SCGB3A2: variants seen among roughly 807,000 people sequenced by gnomAD.
SCGB3A2 encodes the protein secretoglobin family 3A member 2, also known as pneumo secretory protein 1.
SCGB3A2 carries 5 observed loss-of-function variants against 7.7 expected under a neutral mutation model. The observed-to-expected ratio is 0.65, with a 90% CI of 0.34 to 1.36. The LOEUF is 1.36. Ranked by LOEUF, SCGB3A2 falls within the 40% of genes most tolerant of loss-of-function variation. SCGB3A2 has a pLI of 0.04. For missense variants in SCGB3A2, 109 were observed against 103.6 expected, an observed-to-expected ratio of 1.05 and a Z score of -0.23; for synonymous variants, 44 against 42.7, an observed-to-expected ratio of 1.03 and a Z score of -0.12.
At position 147,881,643 on chromosome 5, in the gene SCGB3A2, C is replaced by T. The variant is rs776382165; in HGVS notation, c.253C>T (p.Leu85=). The change falls in exon 2 of 3, where the codon CTG becomes TTG. Residue 85 remains leucine, a synonymous_variant. Coordinates refer to ENST00000296694, the MANE Select transcript of SCGB3A2 (RefSeq NM_054023.5). Reference sequence around the variant, plus strand: ...AGAGGCTTCTGAAGCTGTGAAGAAACTGCTGGTAACCACAGCTTGGGAGGC... The same window carrying T: ...AGAGGCTTCTGAAGCTGTGAAGAAATTGCTGGTAACCACAGCTTGGGAGGC... ...GPEASEAVKK[L]LEALSHLV The T allele has an allele frequency of 1.3e-5, 21 of 1,613,048 alleles. No individual in the cohort carries two copies. Among genetic ancestry groups the T allele is most frequent in the Non-Finnish European group, 1.6e-5 (19 of 1,179,556 alleles).
rs758462858 is a variant in SCGB3A2, at chr5:147,881,446, C to G, written c.56C>G (p.Ala19Gly). 1.2e-6 allele frequency: 2 copies of G among 1,613,618 alleles called. No individual in the cohort carries two copies. The highest frequency in any genetic ancestry group is 2.2e-5 in the South Asian group (2 of 91,070). The change falls in exon 2 of 3, where the codon GCT (alanine) becomes GGT (glycine). Residue 19 changes from alanine (A) to glycine (G), a missense_variant and splice_region_variant. Coordinates refer to ENST00000296694, the MANE Select transcript of SCGB3A2 (RefSeq NM_054023.5). ...LVTISLCSYS[A>G]TAFLINKVPL... ...CACCTGGTTTCTCTTTTTCCTGCAG[C>G]TACTGCCTTCCTCATCAACAAAGTG...
At chr5:147,881,937 G>T in intron 2 of SCGB3A2, 90 bp from the exon 3 acceptor site, 4 of 1,401,548 alleles carry the variant, frequency 2.9e-6, no homozygotes, top group Non-Finnish European at 4.0e-6. Flanking sequence ...GTAAAATAGT[G>T]GCCAAACAGG....
chr5:147,881,845 T>C (rs1004310659), intron 2 of SCGB3A2, among the ~76,000 whole-genome samples, 182 bp from the exon 3 acceptor site: 2 of 152,232 alleles, frequency 1.3e-5, no homozygotes, highest in African/African-American at 4.8e-5. Context: ...TAGTGACATG[T>C]GTTATAGTTG....
At chr5:147,881,780 C>A in intron 2 of SCGB3A2, 132 bp downstream of exon 2, 1 of 807,856 alleles carries the variant, frequency 1.2e-6, no homozygotes, top group Non-Finnish European at 2.0e-6. Context: ...TTTGCACATC[C>A]TGGAATCTCA....
intron 1 of SCGB3A2, 64 bp from the exon 2 acceptor site, chr5:147,881,382 G>A: frequency 1.6e-6 from 2 of 1,246,252 alleles, no homozygotes; most frequent in Admixed American, 1.7e-5. Flanking sequence ...CACAGGGAAA[G>A]AAGATGAGGT....
At chr5:147,880,411 A>T (rs1757328187) in intron 1 of SCGB3A2, among the ~76,000 whole-genome samples, 1 of 152,154 alleles carries the variant, frequency 6.6e-6, no homozygotes, top group Non-Finnish European at 1.5e-5. Flanking sequence ...CAACTTTTGC[A>T]GCCTCACTCC....
At chr5:147,878,960 G>A in intron 1 of SCGB3A2, 102 bp downstream of exon 1, 1 of 758,732 alleles carries the variant, frequency 1.3e-6, no homozygotes, top group Non-Finnish European at 2.3e-6. Context: ...GGAATATGGT[G>A]GTAGGAATTG....
At chr5:147,882,006 T>A (rs1196480195) in intron 2 of SCGB3A2, 21 bp from the exon 3 acceptor site, 2 of 1,613,104 alleles carry the variant, frequency 1.2e-6, no homozygotes, top group Non-Finnish European at 1.7e-6. Context: ...CTCTAAATTT[T>A]GTTGTCCTTC....
chr5:147,879,810 T>C (rs900669335), intron 1 of SCGB3A2, among the ~76,000 whole-genome samples: 7 of 152,210 alleles, frequency 4.6e-5, no homozygotes, highest in Non-Finnish European at 8.8e-5. Flanking sequence ...TGGAGATTAA[T>C]AATGAAAAAT....
Position 147,881,580 on chromosome 5 carries a change from G to T in SCGB3A2, c.190G>T (p.Val64Leu), listed in dbSNP as rs1757348949. ...KTLGISVEHL[V>L]EGLRKCVNEL... Reference sequence around the variant, plus strand: ...TCTGGGCATTTCTGTTGAGCACCTTGTGGAGGGGCTAAGGAAGTGTGTAAA... The same window carrying T: ...TCTGGGCATTTCTGTTGAGCACCTTTTGGAGGGGCTAAGGAAGTGTGTAAA... Residue 64 changes from valine (V) to leucine (L), a missense_variant, in exon 2 of 3, where the codon GTG (valine) becomes TTG (leucine). By Grantham distance (32) the Val-to-Leu change is conservative. Coordinates refer to ENST00000296694, the MANE Select transcript of SCGB3A2 (RefSeq NM_054023.5). 6.2e-7 allele frequency: 1 copy of T among 1,613,870 alleles called. No individual in the cohort carries two copies. Among genetic ancestry groups the T allele is most frequent in the Admixed American group, 1.7e-5 (1 of 59,996 alleles).
chr5:147,880,162 T>C (rs1757323648), intron 1 of SCGB3A2, among the ~76,000 whole-genome samples: 1 of 152,224 alleles, frequency 6.6e-6, no homozygotes, highest in South Asian at 2.1e-4. Flanking sequence ...TGTGCTCACA[T>C]GCATGTGTGC....
At chr5:147,881,794 A>G in intron 2 of SCGB3A2, 146 bp downstream of exon 2, 1 of 789,858 alleles carries the variant, frequency 1.3e-6, no homozygotes, top group African/African-American at 1.8e-5. Context: ...AATCTCAGGA[A>G]AAATACAATT....
intron 1 of SCGB3A2, chr5:147,881,151 A>T: frequency 3.2e-6 from 1 of 314,658 alleles, no homozygotes; most frequent in Non-Finnish European, 5.8e-6. Context: ...TTTTTTAGGT[A>T]ATGGTAAGAA....
chr5:147,881,140 T>A, intron 1 of SCGB3A2: 1 of 303,128 alleles, frequency 3.3e-6, no homozygotes. Context: ...GAAGAGTTGC[T>A]TTTTTTAGGT....
chr5:147,881,944 C>T (rs1757355413), intron 2 of SCGB3A2, 83 bp from the exon 3 acceptor site: 2 of 1,458,526 alleles, frequency 1.4e-6, no homozygotes, highest in African/African-American at 2.8e-5. Flanking sequence ...AGTGGCCAAA[C>T]AGGACACTGG....
At chr5:147,879,624 AT>A (rs1308123442) in intron 1 of SCGB3A2, among the ~76,000 whole-genome samples, 1 of 152,052 alleles carries the variant, frequency 6.6e-6, no homozygotes, top group Non-Finnish European at 1.5e-5. Context: ...GAACTGATTT[AT>A]TTTTTTGGAA....
intron 1 of SCGB3A2, among the ~76,000 whole-genome samples, chr5:147,879,480 C>T (rs1218422076): frequency 6.6e-6 from 1 of 152,166 alleles, no homozygotes; most frequent in Non-Finnish European, 1.5e-5. Flanking sequence ...AGGGCTTCTG[C>T]CTAAGTTACT....
chr5:147,879,304 A>G (rs1182180060), intron 1 of SCGB3A2, among the ~76,000 whole-genome samples: 2 of 152,128 alleles, frequency 1.3e-5, no homozygotes, highest in African/African-American at 4.8e-5. Flanking sequence ...CAGTTATCCA[A>G]TTTGCTAGCT....
chr5:147,880,391 T>G (rs949761620), intron 1 of SCGB3A2, among the ~76,000 whole-genome samples: 1 of 152,162 alleles, frequency 6.6e-6, no homozygotes, highest in Non-Finnish European at 1.5e-5. Flanking sequence ...TTAAAAAATC[T>G]GACCTCACTC....
Sources: allele counts gnomAD v4.1 joint callset (sites outside exome capture counted in the v4.1 genomes callset), GRCh38; gene constraint gnomAD v4.1.1; transcripts MANE v1.5; gene names NCBI Gene and HGNC (gene_info 2026-07-23, HGNC 2026-07-21).